ZFHX3: variants seen among roughly 807,000 people sequenced by gnomAD.
The protein encoded by ZFHX3 is zinc finger homeobox protein 3.
In ZFHX3, 42 loss-of-function variants were observed where a neutral mutation model predicts 279.1. The ratio of observed to expected loss-of-function variants is 0.15; its 90% CI spans 0.12 to 0.19. The LOEUF (loss-of-function observed/expected upper bound fraction) is 0.19. ZFHX3 is among the 10% of genes least tolerant of loss of function. The pLI is 1.00. For synonymous variants in ZFHX3, 2,293 were observed against 1,957.8 expected, an observed-to-expected ratio of 1.17 and a Z score of -4.52; for missense variants, 4,981 against 4,754.0, an observed-to-expected ratio of 1.05 and a Z score of -1.40.
intron 1 of ZFHX3, among the ~76,000 whole-genome samples, chr16:73,765,003 T>G (rs1383690744): frequency 1.3e-5 from 2 of 152,174 alleles, no homozygotes; most frequent in Admixed American, 6.5e-5. Flanking sequence ...TCTTTTCCCA[T>G]CCCCATTTTT....
chr16:73,226,898 A>T (rs1273948657), intron 5 of ZFHX3, among the ~76,000 whole-genome samples: 2 of 152,212 alleles, frequency 1.3e-5, no homozygotes, highest in Non-Finnish European at 2.9e-5. Context: ...GAAGTATTTC[A>T]TACTAGAATA....
intron 1 of ZFHX3, among the ~76,000 whole-genome samples, chr16:73,687,438 T>A (rs2053100744): frequency 6.6e-6 from 1 of 151,624 alleles, no homozygotes; most frequent in Non-Finnish European, 1.5e-5. Flanking sequence ...AAATTTATCC[T>A]GTGTTGTTAC....
intron 1 of ZFHX3, among the ~76,000 whole-genome samples, chr16:72,980,617 C>G (rs9922669): frequency 9.2e-6 from 1 of 108,232 alleles, no homozygotes; most frequent in Non-Finnish European, 2.1e-5. Context: ...AAAAAAAAAA[C>G]AAAAACAGCT....
At chr16:73,429,062 C>T (rs1167116684) in intron 3 of ZFHX3, among the ~76,000 whole-genome samples, 1 of 152,122 alleles carries the variant, frequency 6.6e-6, no homozygotes, top group Non-Finnish European at 1.5e-5. Context: ...AGAGGAAAAC[C>T]CTTAGCATGG....
intron 5 of ZFHX3, among the ~76,000 whole-genome samples, chr16:73,183,993 A>G (rs1208101597): frequency 6.6e-6 from 1 of 152,174 alleles, no homozygotes; most frequent in African/African-American, 2.4e-5. Context: ...ATGAATCTGT[A>G]AAGAGCAGGG....
exon 1 of ZFHX3, chr16:73,058,962 C>T (rs377315488): frequency 1.8e-5 from 3 of 168,778 alleles, no homozygotes; most frequent in African/African-American, 2.4e-5. Flanking sequence ...GAGGAGGAGG[C>T]GGCGGCGGTG....
chr16:73,613,238 C>T (rs1023097080), intron 2 of ZFHX3, among the ~76,000 whole-genome samples: 15 of 152,188 alleles, frequency 9.9e-5, no homozygotes, highest in African/African-American at 3.6e-4. Context: ...GCTGCATCCT[C>T]TTTTGGAGTA....
rs145035030 is a variant in ZFHX3, at chr16:73,529,342, G to A, written c.-1546-73084C>T. On this transcript the variant is annotated intron_variant, in intron 2 of 17. Coordinates refer to the ZFHX3 transcript ENST00000641206. ...AAAGGACAAGAAATCAAAGGGTTTG[G>A]TGCCAAGGAACAGGATTAATAAAAA... 1.2e-4 allele frequency among the ~76,000 whole-genome samples: 18 copies of A among 152,296 alleles called. No individual in the cohort carries two copies. The East Asian group carries it at 3.5e-3, about 29-fold the overall frequency.
intron 3 of ZFHX3, among the ~76,000 whole-genome samples, chr16:72,939,247 C>G (rs1367971593): frequency 2.0e-5 from 3 of 152,148 alleles, no homozygotes; most frequent in Non-Finnish European, 2.9e-5. Context: ...CTCCCCCACC[C>G]CCATCTCGAG....
chr16:73,757,288 T>A lies in ZFHX3; in HGVS notation c.-1607-77048A>T, dbSNP rs1327173320. Among the ~76,000 whole-genome samples, 4 of 152,168 alleles carry A rather than the reference T, an allele frequency of 2.6e-5. No homozygotes were observed. In the East Asian group the frequency reaches 7.7e-4, roughly 29 times the overall value. ...GTGGGGTCCCTCGTGTCTGTGAGTG[T>A]GCTTCCACTGCAGACTGGATAGCAA... is the stretch of plus-strand genomic sequence containing the variant. On this transcript the variant is annotated intron_variant, in intron 1 of 17. Transcript: ENST00000641206.
chr16:73,138,275 C>T (rs576704028), intron 6 of ZFHX3, among the ~76,000 whole-genome samples: 8 of 152,278 alleles, frequency 5.3e-5, no homozygotes, highest in Admixed American at 2.0e-4. Flanking sequence ...CCACTCTCTG[C>T]TTGGCTGGCC....
chr16:73,336,421 T>A (rs1250354518), intron 3 of ZFHX3, among the ~76,000 whole-genome samples: 3 of 128,696 alleles, frequency 2.3e-5, no homozygotes, highest in Admixed American at 1.8e-4. Flanking sequence ...CTGTGTCTAT[T>A]GTTCCCTTCT....
chr16:72,865,807 T>C (rs1184229114), intron 4 of ZFHX3, among the ~76,000 whole-genome samples: 1 of 152,178 alleles, frequency 6.6e-6, no homozygotes, highest in Non-Finnish European at 1.5e-5. Context: ...TCTGTGGGGC[T>C]GTGTGCCCTG....
At chr16:73,690,766 G>T (rs2053141434) in intron 1 of ZFHX3, among the ~76,000 whole-genome samples, 1 of 152,222 alleles carries the variant, frequency 6.6e-6, no homozygotes. Flanking sequence ...AATACTGGAA[G>T]ACAAGTGGCC....
intron 5 of ZFHX3, among the ~76,000 whole-genome samples, chr16:73,239,981 G>T (rs550334640): frequency 1.6e-4 from 24 of 151,648 alleles, no homozygotes; most frequent in African/African-American, 5.6e-4. Context: ...ACAGAGCCTC[G>T]TTTTATGTGT....
At chr16:72,823,546 C>G (rs1289804556) in intron 5 of ZFHX3, among the ~76,000 whole-genome samples, 2 of 152,194 alleles carry the variant, frequency 1.3e-5, no homozygotes, top group Non-Finnish European at 2.9e-5. Context: ...CTCAGACATT[C>G]CATCAAGAAA....
intron 3 of ZFHX3, among the ~76,000 whole-genome samples, chr16:72,919,783 T>TC (rs2039536852): frequency 2.1e-5 from 2 of 94,112 alleles, no homozygotes; most frequent in South Asian, 9.4e-4. Context: ...CCATCTTTTT[T>TC]TTTTTTTTTT....
At chr16:73,683,082 G>A (rs904900873) in intron 1 of ZFHX3, among the ~76,000 whole-genome samples, 7 of 152,194 alleles carry the variant, frequency 4.6e-5, no homozygotes, top group Admixed American at 2.6e-4. Flanking sequence ...CTATACATCA[G>A]ATATTTCCAA....
intron 6 of ZFHX3, among the ~76,000 whole-genome samples, chr16:73,133,733 G>A (rs1218129345): frequency 6.6e-6 from 1 of 152,190 alleles, no homozygotes; most frequent in Admixed American, 6.5e-5. Flanking sequence ...TTTCTTTGTG[G>A]TATTTTGGGG....
Sources: allele counts gnomAD v4.1 joint callset (sites outside exome capture counted in the v4.1 genomes callset), GRCh38; gene constraint gnomAD v4.1.1; transcripts MANE v1.5; gene names NCBI Gene and HGNC (gene_info 2026-07-23, HGNC 2026-07-21).